Variants in SPON1 observed in about 807,000 individuals in gnomAD.
The protein encoded by SPON1 is spondin 1, also known as spondin-1.
Under a neutral mutation model 111.7 loss-of-function variants are expected in SPON1, and 52 were observed. The ratio of observed to expected loss-of-function variants is 0.47; its 90% confidence interval spans 0.37 to 0.59. The LOEUF is 0.59. Among genes scored for constraint, SPON1 ranks in the 20% least tolerant of loss-of-function variants. SPON1 has a pLI of 0.00. For synonymous variants in SPON1, 410 were observed against 395.8 expected, an observed-to-expected ratio of 1.04 and a Z score of -0.43; for missense variants, 957 against 1,068.5, an observed-to-expected ratio of 0.90 and a Z score of 1.46.
At position 14,075,354 on chromosome 11, in the gene SPON1, C is replaced by G; in HGVS notation, c.489C>G (p.Ile163Met). 9.0e-6 allele frequency: 14 copies of G among 1,558,494 alleles called. No individual in the cohort carries two copies. Among genetic ancestry groups the G allele is most frequent in the Non-Finnish European group, 1.2e-5 (14 of 1,150,048 alleles). ...GTGCVILKAS[I>M]VQKRIIYFQD... is the part of the protein sequence containing the mutation. ...TCTTCTTTCTTCACAGGGCCAGCAT[C>G]GTACAAAAACGCATTATTTATTTTC... is the stretch of plus-strand genomic sequence containing the variant. The change falls in exon 4 of 16, where the codon ATC becomes ATG. Residue 163 changes from isoleucine (I) to methionine (M), a missense_variant. Physicochemically the swap from Ile to Met is conservative, Grantham distance 10 (BLOSUM62 1). This residue lies in a region of SPON1 where 262 missense variants were observed against 253.9 expected (regional missense o/e 1.03). Transcript: ENST00000576479.
At chr11:14,008,612 A>T (rs1408921300) in intron 2 of SPON1, among the ~76,000 whole-genome samples, 1 of 152,204 alleles carries the variant, frequency 6.6e-6, no homozygotes, top group Non-Finnish European at 1.5e-5. Flanking sequence ...GCTAAAGTTA[A>T]TAAACCTACC....
chr11:14,124,232 C>A (rs1046052595), intron 5 of SPON1, among the ~76,000 whole-genome samples: 1 of 152,116 alleles, frequency 6.6e-6, no homozygotes, highest in African/African-American at 2.4e-5. Context: ...TACTCGTAGT[C>A]TTACACATAT....
chr11:14,185,411 T>G (rs1429358834), intron 6 of SPON1, among the ~76,000 whole-genome samples: 1 of 152,178 alleles, frequency 6.6e-6, no homozygotes, highest in African/African-American at 2.4e-5. Context: ...TCCTTTCTCC[T>G]AGAGAGCCTT....
chr11:14,012,496 C>T (rs550060755), intron 2 of SPON1, among the ~76,000 whole-genome samples: 3 of 152,206 alleles, frequency 2.0e-5, no homozygotes, highest in Non-Finnish European at 4.4e-5. Context: ...ACGTGCAAAC[C>T]GCATTTATCC....
intron 6 of SPON1, among the ~76,000 whole-genome samples, chr11:14,175,650 G>C (rs1477225137): frequency 3.3e-5 from 5 of 152,118 alleles, no homozygotes; most frequent in African/African-American, 1.2e-4. Flanking sequence ...TACTCAAACA[G>C]AGAAAGAGAG....
chr11:13,967,533 C>A (rs1310307976), intron 1 of SPON1, among the ~76,000 whole-genome samples: 3 of 80,336 alleles, frequency 3.7e-5, no homozygotes, highest in Admixed American at 3.1e-4. Flanking sequence ...AAAAAAAACC[C>A]AGAAAGAAAA....
chr11:14,116,786 A>C (rs868908808), intron 5 of SPON1, among the ~76,000 whole-genome samples: 60 of 152,274 alleles, frequency 3.9e-4, no homozygotes, highest in African/African-American at 1.3e-3. Flanking sequence ...TTTTGAACTC[A>C]TAGAAAAACG....
intron 3 of SPON1, among the ~76,000 whole-genome samples, chr11:14,053,825 A>G (rs1331667226): frequency 6.6e-6 from 1 of 152,226 alleles, no homozygotes; most frequent in Admixed American, 6.5e-5. Flanking sequence ...GGTTGATTAG[A>G]TCTTTGGACA....
chr11:14,021,092 G>C (rs1848478230), intron 2 of SPON1, among the ~76,000 whole-genome samples: 1 of 152,054 alleles, frequency 6.6e-6, no homozygotes, highest in African/African-American at 2.4e-5. Flanking sequence ...GGTTTTATCT[G>C]GGAGGTAAAA....
chr11:14,233,223 C>A (rs1254914633), intron 6 of SPON1, among the ~76,000 whole-genome samples: 1 of 152,134 alleles, frequency 6.6e-6, no homozygotes, highest in Non-Finnish European at 1.5e-5. Context: ...TTGTTTTATA[C>A]CTCACATCCA....
In SPON1 at chr11:14,190,506, CCTT is replaced by C. The variant is rs564268190; in HGVS notation, c.826-52822_826-52820del. On this transcript the variant is annotated intron_variant, in intron 6 of 15. Transcript: ENST00000576479. ...TCCTTCCTTCCTTCTTTACTTCCTT[CCTT>C]CTTTAGTTCCTTCCTTCCATCCTTC... 2.1e-3 allele frequency among the ~76,000 whole-genome samples: 322 copies of C among 151,864 alleles called. 3 individuals are homozygous for C. The highest frequency in any genetic ancestry group is 7.4e-3 in the African/African-American group (308 of 41,424).
intron 2 of SPON1, among the ~76,000 whole-genome samples, chr11:14,028,860 T>C (rs1848538265): frequency 6.6e-6 from 1 of 152,130 alleles, no homozygotes; most frequent in Non-Finnish European, 1.5e-5. Flanking sequence ...GGCTCCAAAG[T>C]CCACATCTTC....
chr11:14,077,581 C>T (rs1450343459), intron 4 of SPON1, among the ~76,000 whole-genome samples: 1 of 151,952 alleles, frequency 6.6e-6, no homozygotes, highest in Non-Finnish European at 1.5e-5. Context: ...TACAGGAACA[C>T]ACCACCATGC....
chr11:14,010,187 A>G (rs1848393319), intron 2 of SPON1, among the ~76,000 whole-genome samples: 1 of 152,196 alleles, frequency 6.6e-6, no homozygotes, highest in Admixed American at 6.5e-5. Context: ...AGGGCCCCAC[A>G]GCTAATTCAG....
At chr11:14,051,947 G>T (rs919357657) in intron 3 of SPON1, among the ~76,000 whole-genome samples, 1 of 152,238 alleles carries the variant, frequency 6.6e-6, no homozygotes, top group East Asian at 1.9e-4. Context: ...TTAGACAGTT[G>T]ATGTAAAGTA....
At chr11:14,261,189 G>T (rs1849167214) in intron 14 of SPON1, among the ~76,000 whole-genome samples, 1 of 152,128 alleles carries the variant, frequency 6.6e-6, no homozygotes, top group South Asian at 2.1e-4. Flanking sequence ...AAGAAAACCA[G>T]CAAGAAAACA....
chr11:14,259,758 C>T lies in SPON1; in HGVS notation c.1831+57C>T. 4.0e-6 allele frequency: 6 copies of T among 1,497,956 alleles called. No homozygotes were observed. The highest frequency in any genetic ancestry group is 5.4e-6 in the Non-Finnish European group (6 of 1,109,088). The allele number at this position is 1,497,956 out of a possible 1,614,324, so 92.8% of individuals were successfully genotyped here. A position where few individuals can be genotyped will look rare whatever the true frequency, so the allele number is the denominator to read the frequency against. ...GCCACTGGGGACAGGCGTGGAGGGC[C>T]ATGGCATCCACTATTACCACCATAA... On this transcript the variant is annotated intron_variant, in intron 13 of 15. Coordinates refer to ENST00000576479, the MANE Select transcript of SPON1 (RefSeq NM_006108.4). This position sits in a 1 kb window ranked among gnomAD's most constrained non-coding sequence, Gnocchi z 5.0.
At chr11:14,149,723 T>C (rs1472054505) in intron 6 of SPON1, among the ~76,000 whole-genome samples, 1 of 152,206 alleles carries the variant, frequency 6.6e-6, no homozygotes, top group Non-Finnish European at 1.5e-5. Context: ...TGCATTACAA[T>C]TGCCTATGGT....
chr11:14,127,672 G>A (rs1554927127), intron 5 of SPON1, among the ~76,000 whole-genome samples: 1 of 152,206 alleles, frequency 6.6e-6, no homozygotes, highest in African/African-American at 2.4e-5. Flanking sequence ...TTCTTTTTGA[G>A]CGTTTAATGA....
Sources: allele counts gnomAD v4.1 joint callset (sites outside exome capture counted in the v4.1 genomes callset), GRCh38; gene constraint gnomAD v4.1.1; regional missense constraint gnomAD v4.1.1; non-coding constraint Gnocchi (gnomAD v3.1); transcripts MANE v1.5; gene names NCBI Gene and HGNC (gene_info 2026-07-23, HGNC 2026-07-21).